The following LRBA variants were observed in gnomAD, a reference collection of about 807,000 sequenced individuals.
LRBA encodes the protein lipopolysaccharide-responsive and beige-like anchor protein.
In LRBA, 176 loss-of-function variants were observed where a neutral mutation model predicts 330.0. That is an observed-to-expected ratio of 0.53 (90% confidence interval 0.47 to 0.60). The LOEUF (loss-of-function observed/expected upper bound fraction) is 0.60, where lower values mean the gene tolerates loss of function less well. Among genes scored for constraint, LRBA ranks in the 20% least tolerant of loss-of-function variants. The pLI is 0.00. For synonymous variants in LRBA, 1,230 were observed against 1,193.0 expected, an observed-to-expected ratio of 1.03 and a Z score of -0.64; for missense variants, 3,259 against 3,444.8, an observed-to-expected ratio of 0.95 and a Z score of 1.35.
Position 150,897,722 on chromosome 4 carries a change from A to G in LRBA, c.2004+17T>C. On this transcript the variant is annotated intron_variant, in intron 15 of 56. Transcript: ENST00000651943. ...TTCAATACACGGTATGCTATGGAATAAGCAACGTGAACTCACCTTCATCAC... is the reference window on the plus strand; with the variant it reads ...TTCAATACACGGTATGCTATGGAATGAGCAACGTGAACTCACCTTCATCAC... 1.9e-6 allele frequency: 3 copies of G among 1,552,050 alleles called. No individual in the cohort carries two copies. Among genetic ancestry groups the G allele is most frequent in the Non-Finnish European group, 2.7e-6 (3 of 1,124,518 alleles).
At chr4:150,786,239 T>C (rs375643145) in intron 34 of LRBA, among the ~76,000 whole-genome samples, 3 of 150,342 alleles carry the variant, frequency 2.0e-5, no homozygotes, top group South Asian at 2.1e-4. Flanking sequence ...TTTAAGACTT[T>C]TGCATTTTGC....
chr4:151,009,436 C>A lies in LRBA; in HGVS notation c.216+4991G>T, dbSNP rs181942613. Among the ~76,000 whole-genome samples, 1,039 of 151,560 alleles carry A rather than the reference C, an allele frequency of 6.9e-3. 7 individuals carry two copies. The highest frequency in any genetic ancestry group is 0.024 in the African/African-American group (1,005 of 41,292). ...TGGTGGCACACGCCTGTAATCCCAG[C>A]TACTCAGGAGGCTGAGGCAGGAGAA... On this transcript the variant is annotated intron_variant, in intron 2 of 56. Coordinates refer to ENST00000651943, the MANE Select transcript of LRBA (RefSeq NM_001364905.1).
chr4:150,523,409 G>T (rs1763132518), intron 40 of LRBA, among the ~76,000 whole-genome samples: 1 of 152,090 alleles, frequency 6.6e-6, no homozygotes. Context: ...CAGCAGCAAG[G>T]TGCCACGATG....
At chr4:150,908,947 C>A in intron 9 of LRBA, 90 bp from the exon 10 acceptor site, 1 of 799,082 alleles carries the variant, frequency 1.3e-6, no homozygotes, top group South Asian at 1.8e-5. Flanking sequence ...AGGAGACAGA[C>A]CATTGATAAT....
chr4:150,311,855 A>T (rs1731114537), intron 51 of LRBA, among the ~76,000 whole-genome samples: 1 of 152,216 alleles, frequency 6.6e-6, no homozygotes, highest in Non-Finnish European at 1.5e-5. Flanking sequence ...ACAGAGAGAC[A>T]GTGTCCACCA....
intron 37 of LRBA, among the ~76,000 whole-genome samples, chr4:150,657,286 ATAAT>A (rs1780292353): frequency 6.6e-6 from 1 of 152,172 alleles, no homozygotes; most frequent in African/African-American, 2.4e-5. Context: ...ATTTTTCTTT[ATAAT>A]TAATAATTAT....
At chr4:150,407,243 T>C (rs1166233737) in intron 47 of LRBA, among the ~76,000 whole-genome samples, 3 of 152,194 alleles carry the variant, frequency 2.0e-5, no homozygotes, top group Non-Finnish European at 4.4e-5. Context: ...GGACGAAGTG[T>C]GATACTGATT....
chr4:150,871,735 G>T (rs1477371693), intron 18 of LRBA, among the ~76,000 whole-genome samples: 1 of 151,568 alleles, frequency 6.6e-6, no homozygotes, highest in Non-Finnish European at 1.5e-5. Flanking sequence ...AATCTTCAGA[G>T]CAGTTATTTA....
At chr4:150,432,697 G>A (rs901692051) in intron 46 of LRBA, among the ~76,000 whole-genome samples, 5 of 151,016 alleles carry the variant, frequency 3.3e-5, no homozygotes, top group Non-Finnish European at 3.0e-5. Context: ...CGCCCGCCTC[G>A]GCTTCTCAAA....
chr4:150,822,849 A>G (rs1745661053), intron 30 of LRBA, among the ~76,000 whole-genome samples: 1 of 152,214 alleles, frequency 6.6e-6, no homozygotes, highest in African/African-American at 2.4e-5. Flanking sequence ...GTTTGAGACC[A>G]GCCTGGCCAA....
At chr4:150,345,511 A>G (rs1309376372) in intron 48 of LRBA, among the ~76,000 whole-genome samples, 6 of 152,158 alleles carry the variant, frequency 3.9e-5, no homozygotes. Flanking sequence ...ACTGTGAGCA[A>G]CATAAGGGAA....
At chr4:150,677,181 T>C (rs184103972) in intron 37 of LRBA, among the ~76,000 whole-genome samples, 2 of 152,276 alleles carry the variant, frequency 1.3e-5, no homozygotes, top group African/African-American at 2.4e-5. Flanking sequence ...TTCAGTACTA[T>C]GCTAAGAACT....
intron 34 of LRBA, among the ~76,000 whole-genome samples, chr4:150,789,603 G>A (rs1037104286): frequency 1.3e-5 from 2 of 152,056 alleles, no homozygotes; most frequent in African/African-American, 4.8e-5. Flanking sequence ...TATGAACTCT[G>A]ACTACTCTGA....
intron 35 of LRBA, among the ~76,000 whole-genome samples, chr4:150,748,848 A>G (rs1294432040): frequency 6.6e-6 from 1 of 152,116 alleles, no homozygotes; most frequent in African/African-American, 2.4e-5. Context: ...AGGCCTTTAA[A>G]GAATAGTCTT....
At chr4:150,589,440 C>G (rs1275252277) in intron 39 of LRBA, among the ~76,000 whole-genome samples, 1 of 152,196 alleles carries the variant, frequency 6.6e-6, no homozygotes, top group African/African-American at 2.4e-5. Flanking sequence ...AGCTGCAGAA[C>G]AGCCATGATT....
intron 40 of LRBA, among the ~76,000 whole-genome samples, chr4:150,575,047 G>C (rs1378375961): frequency 1.3e-5 from 2 of 151,902 alleles, no homozygotes; most frequent in Non-Finnish European, 2.9e-5. Context: ...CAGAAAATAA[G>C]AGAATGACTC....
intron 37 of LRBA, among the ~76,000 whole-genome samples, chr4:150,639,799 ATATATATGTG>A (rs1561457656): frequency 2.1e-4 from 1 of 4,678 alleles, no homozygotes; most frequent in East Asian, 9.6e-3. Flanking sequence ...GTGTATATAT[ATATATATGTG>A]TGTGTGTGTG....
intron 37 of LRBA, among the ~76,000 whole-genome samples, chr4:150,635,579 T>C (rs1486619753): frequency 6.6e-6 from 1 of 152,222 alleles, no homozygotes; most frequent in Non-Finnish European, 1.5e-5. Flanking sequence ...TAAATTCTTA[T>C]GGAGAGGGCA....
intron 40 of LRBA, chr4:150,582,089 G>C (rs997310957): frequency 5.3e-5 from 8 of 152,110 alleles, no homozygotes; most frequent in Admixed American, 3.9e-4. Context: ...TCAGAAAGTG[G>C]AATCTGTAAA....
Sources: allele counts gnomAD v4.1 joint callset (sites outside exome capture counted in the v4.1 genomes callset), GRCh38; gene constraint gnomAD v4.1.1; transcripts MANE v1.5; gene names NCBI Gene and HGNC (gene_info 2026-07-23, HGNC 2026-07-21).